Variants in PPARG observed in about 807,000 individuals in gnomAD.
PPARG encodes peroxisome proliferator-activated receptor gamma.
In PPARG, 17 loss-of-function variants were observed where a neutral mutation model predicts 39.2. The ratio of observed to expected loss-of-function variants is 0.43; its 90% confidence interval spans 0.30 to 0.65. The LOEUF is 0.65. Ranked by LOEUF, PPARG falls within the 30% of genes least tolerant of loss-of-function variation. The pLI is 0.13. For missense variants in PPARG, 406 were observed against 585.9 expected (o/e 0.69, Z 3.17); for synonymous variants, 223 against 215.7 (o/e 1.03, Z -0.30).
At position 12,357,250 on chromosome 3, in the gene PPARG, C is replaced by T. The variant is rs779589235; in HGVS notation, c.-8-22454C>T. Among the ~76,000 whole-genome samples, 51 of 152,244 alleles carry T rather than the reference C, an allele frequency of 3.3e-4. 1 individual carries two copies. The highest frequency in any genetic ancestry group is 1.2e-3 in the African/African-American group (49 of 41,544). On this transcript the variant is annotated intron_variant, in intron 2 of 7. Coordinates refer to ENST00000651735, the MANE Select transcript of PPARG (RefSeq NM_138711.6). ...AAAAGTCCAAGTCTGGCCCCTACCT[C>T]CTGCCCTACCCCAGCTGACCCCTCT... is the stretch of plus-strand genomic sequence containing the variant.
In PPARG at chr3:12,379,757, A is replaced by G; in HGVS notation, c.46A>G (p.Ser16Gly). Residue 16 changes from serine to glycine, a missense_variant, in exon 3 of 8, where the codon AGC (serine) becomes GGC (glycine). Coordinates refer to ENST00000651735, the MANE Select transcript of PPARG (RefSeq NM_138711.6). ...ATTCTGGCCCACCAACTTTGGGATC[A>G]GCTCCGTGGATCTCTCCGTAATGGA... ...MPFWPTNFGI[S>G]SVDLSVMEDH... is the part of the protein sequence containing the mutation. 6.2e-7 allele frequency: 1 copy of G among 1,614,066 alleles called. No individual in the cohort carries two copies. The highest frequency in any genetic ancestry group is 8.5e-7 in the Non-Finnish European group (1 of 1,179,948).
At chr3:12,359,547 T>C (rs900746125) in intron 2 of PPARG, among the ~76,000 whole-genome samples, 1 of 152,072 alleles carries the variant, frequency 6.6e-6, no homozygotes, top group Non-Finnish European at 1.5e-5. Flanking sequence ...CCTCAGAATT[T>C]GGGGAAAAAA....
At chr3:12,399,820 CAAAAAAAA>C (rs36025945) in intron 5 of PPARG, among the ~76,000 whole-genome samples, 8 of 103,276 alleles carry the variant, frequency 7.7e-5, no homozygotes, top group Admixed American at 2.1e-4. Flanking sequence ...CCATGTCTAC[CAAAAAAAA>C]AAAAAAAAAA....
chr3:12,294,470 A>G (rs2046727298), intron 1 of PPARG, among the ~76,000 whole-genome samples: 1 of 152,160 alleles, frequency 6.6e-6, no homozygotes, highest in Non-Finnish European at 1.5e-5. Flanking sequence ...TCATGAGTCA[A>G]CTCTTCCAGG....
intron 5 of PPARG, among the ~76,000 whole-genome samples, chr3:12,396,333 G>A (rs776233180): frequency 2.0e-5 from 3 of 152,116 alleles, no homozygotes; most frequent in Non-Finnish European, 4.4e-5. Context: ...TGTTGGCCAA[G>A]ATGGTCTCGA....
intron 2 of PPARG, among the ~76,000 whole-genome samples, chr3:12,319,300 G>C (rs1405805782): frequency 6.6e-6 from 1 of 152,168 alleles, no homozygotes; most frequent in Non-Finnish European, 1.5e-5. Context: ...ATGTTAAGTT[G>C]ATCCTAAAAT....
At chr3:12,362,997 G>A (rs9812859) in intron 2 of PPARG, among the ~76,000 whole-genome samples, 4,433 of 152,110 alleles carry the variant, frequency 0.029, 200 homozygotes, top group African/African-American at 0.1. Context: ...ATGGTGCATT[G>A]CAGCCTCAAC....
At chr3:12,341,243 C>T (rs559028179) in intron 2 of PPARG, among the ~76,000 whole-genome samples, 110 of 151,602 alleles carry the variant, frequency 7.3e-4, no homozygotes, top group African/African-American at 2.5e-3. Flanking sequence ...GTTAACTGTC[C>T]ATAGGGCCAA....
chr3:12,380,000 A>C (rs1483437855), intron 3 of PPARG, 69 bp downstream of exon 3: 2 of 1,284,296 alleles, frequency 1.6e-6, no homozygotes, highest in African/African-American at 2.9e-5. Context: ...GTAACCCTGT[A>C]ATAAATAATG....
intron 2 of PPARG, among the ~76,000 whole-genome samples, chr3:12,342,781 A>G (rs952263378): frequency 6.6e-6 from 1 of 152,076 alleles, no homozygotes; most frequent in African/African-American, 2.4e-5. Flanking sequence ...TTGGTTCTAT[A>G]ATAATGAAAG....
At chr3:12,424,637 C>G (rs1234517049) in intron 7 of PPARG, among the ~76,000 whole-genome samples, 1 of 152,178 alleles carries the variant, frequency 6.6e-6, no homozygotes, top group Admixed American at 6.5e-5. Flanking sequence ...GAAAACCCAG[C>G]ACTGGTTCAA....
intron 4 of PPARG, among the ~76,000 whole-genome samples, chr3:12,383,518 T>G (rs896372308): frequency 5.9e-5 from 9 of 152,178 alleles, no homozygotes; most frequent in Non-Finnish European, 1.0e-4. Flanking sequence ...AAACTGTTGC[T>G]AAATTCTGAG....
chr3:12,364,809 A>C (rs1021532428), intron 2 of PPARG, among the ~76,000 whole-genome samples: 3 of 152,214 alleles, frequency 2.0e-5, no homozygotes, highest in African/African-American at 7.2e-5. Flanking sequence ...ATCTTTTCAC[A>C]TGTTCACATG....
chr3:12,416,419 C>CTCAG (rs1355164936), intron 6 of PPARG, among the ~76,000 whole-genome samples: 2 of 151,684 alleles, frequency 1.3e-5, no homozygotes, highest in Non-Finnish European at 2.9e-5. Context: ...ACAATGAAGA[C>CTCAG]TCCCCAAACA....
chr3:12,384,261 A>G (rs1223909493), intron 4 of PPARG, among the ~76,000 whole-genome samples: 1 of 152,168 alleles, frequency 6.6e-6, no homozygotes, highest in African/African-American at 2.4e-5. Flanking sequence ...AATATACTCA[A>G]TGAATAAAAT....
intron 2 of PPARG, among the ~76,000 whole-genome samples, chr3:12,327,060 A>G (rs769125517): frequency 3.9e-5 from 6 of 152,166 alleles, no homozygotes; most frequent in Admixed American, 6.5e-5. Context: ...TAAAAGAATG[A>G]CTAATTTACT....
chr3:12,395,917 T>A lies in PPARG; in HGVS notation c.529+3165T>A, dbSNP rs35724001. ...TCAGCGGTGTATGTAACTTACCAAG[T>A]GATCATTGCATCAACTACTCTTTGT... On this transcript the variant is annotated intron_variant, in intron 5 of 7. Coordinates refer to ENST00000651735, the MANE Select transcript of PPARG (RefSeq NM_138711.6). Among the ~76,000 whole-genome samples the A allele has an allele frequency of 7.8e-3, 1,192 of 152,300 alleles. 11 individuals carry two copies. Among genetic ancestry groups the A allele is most frequent in the African/African-American group, 0.028 (1,145 of 41,558 alleles).
rs117524301 is a variant in PPARG, at chr3:12,361,868, C to T, written c.-8-17836C>T. Among the ~76,000 whole-genome samples the T allele has an allele frequency of 1.1e-3, 160 of 152,160 alleles. No individual in the cohort carries two copies. The East Asian group carries it at 0.018, about 17-fold the overall frequency. The stretch of plus-strand genomic sequence containing the variant: ...CATATCAATTACCACACAAAAGTGC[C>T]GAGATTTTGATTGGAATTGTTCTGA... On this transcript the variant is annotated intron_variant, in intron 2 of 7. Coordinates refer to ENST00000651735, the MANE Select transcript of PPARG (RefSeq NM_138711.6).
chr3:12,391,925 A>T (rs979651086), intron 4 of PPARG, among the ~76,000 whole-genome samples: 2 of 152,192 alleles, frequency 1.3e-5, no homozygotes, highest in Admixed American at 6.5e-5. Context: ...CTTTCCAAAG[A>T]TGTAAATATA....
Sources: allele counts gnomAD v4.1 joint callset (sites outside exome capture counted in the v4.1 genomes callset), GRCh38; gene constraint gnomAD v4.1.1; transcripts MANE v1.5; gene names NCBI Gene and HGNC (gene_info 2026-07-23, HGNC 2026-07-21).